Variants in OSBPL10 observed in about 807,000 individuals in gnomAD.
The protein encoded by OSBPL10 is oxysterol-binding protein-related protein 10.
In OSBPL10, 49 loss-of-function variants were observed where a neutral mutation model predicts 81.7. The ratio of observed to expected loss-of-function variants is 0.60; its 90% CI spans 0.48 to 0.76. The LOEUF (loss-of-function observed/expected upper bound fraction) is 0.76. Ranked by LOEUF, OSBPL10 falls within the 30% of genes least tolerant of loss-of-function variation. The pLI is 0.00. For synonymous variants in OSBPL10, 419 were observed against 383.6 expected, an observed-to-expected ratio of 1.09 and a Z score of -1.08; for missense variants, 923 against 987.8, an observed-to-expected ratio of 0.93 and a Z score of 0.88.
intron 10 of OSBPL10, among the ~76,000 whole-genome samples, chr3:31,668,004 C>A (rs982081413): frequency 2.0e-5 from 3 of 152,168 alleles, no homozygotes; most frequent in Admixed American, 1.3e-4. Context: ...TAACCATTTT[C>A]CAAATATTAG....
intron 3 of OSBPL10, among the ~76,000 whole-genome samples, chr3:31,860,854 GGGGTTTTTTTTTTT>G (rs142933470): frequency 0.06 from 8,529 of 141,080 alleles, 796 homozygotes; most frequent in African/African-American, 0.24. Context: ...GGGGTTTTTT[GGGGTTTTTTTTTTT>G]GGGTTTTTTT....
chr3:31,870,275 G>A lies in OSBPL10; in HGVS notation c.537+6158C>T, dbSNP rs190913681. On this transcript the variant is annotated intron_variant, in intron 3 of 11. Coordinates refer to ENST00000396556, the MANE Select transcript of OSBPL10 (RefSeq NM_017784.5). ...GCTTAGCACCTGGGCCAGTGGCTGC[G>A]GAGGGTGTACTGGGTCCCCCAGCAG... 1.9e-3 allele frequency among the ~76,000 whole-genome samples: 286 copies of A among 152,358 alleles called. 2 individuals are homozygous for A. Among genetic ancestry groups the A allele is most frequent in the African/African-American group, 6.3e-3 (260 of 41,586 alleles).
intron 1 of OSBPL10, among the ~76,000 whole-genome samples, chr3:31,931,819 A>G (rs1467608758): frequency 1.3e-5 from 2 of 152,236 alleles, no homozygotes; most frequent in African/African-American, 4.8e-5. Flanking sequence ...GCTCATGCCC[A>G]TAATCCTATC....
chr3:31,931,422 G>A (rs1697246371), intron 1 of OSBPL10, among the ~76,000 whole-genome samples: 1 of 151,982 alleles, frequency 6.6e-6, no homozygotes, highest in Non-Finnish European at 1.5e-5. Flanking sequence ...TCCCCTAGCT[G>A]GTCTCCATAC....
chr3:31,850,522 G>C (rs556957358), intron 3 of OSBPL10, among the ~76,000 whole-genome samples: 2 of 152,048 alleles, frequency 1.3e-5, no homozygotes, highest in Non-Finnish European at 2.9e-5. Context: ...AAAGAGCAAA[G>C]GGGCAGCAAA....
intron 2 of OSBPL10, among the ~76,000 whole-genome samples, chr3:32,020,373 A>G (rs1490692673): frequency 6.6e-6 from 1 of 152,174 alleles, no homozygotes; most frequent in Non-Finnish European, 1.5e-5. Context: ...CCCTCTCTGG[A>G]CATTTCATGT....
intron 4 of OSBPL10, among the ~76,000 whole-genome samples, chr3:31,813,250 C>T (rs1326587253): frequency 6.6e-6 from 1 of 152,200 alleles, no homozygotes; most frequent in Non-Finnish European, 1.5e-5. Context: ...ACCAAAGCAT[C>T]TTTGAGTTGA....
At chr3:31,975,558 C>T (rs1280729930) in intron 1 of OSBPL10, among the ~76,000 whole-genome samples, 6 of 152,190 alleles carry the variant, frequency 3.9e-5, no homozygotes, top group African/African-American at 9.7e-5. Context: ...TATTTGGTCA[C>T]TAATGGCCCC....
At chr3:32,067,816 C>T (rs1699791437) in intron 1 of OSBPL10, among the ~76,000 whole-genome samples, 1 of 152,194 alleles carries the variant, frequency 6.6e-6, no homozygotes, top group East Asian at 1.9e-4. Flanking sequence ...AATCCCACCA[C>T]CCTTTGCTGA....
chr3:31,686,629 A>G (rs1402769086), intron 7 of OSBPL10, among the ~76,000 whole-genome samples: 1 of 152,196 alleles, frequency 6.6e-6, no homozygotes, highest in Non-Finnish European at 1.5e-5. Context: ...ATTATTTAAA[A>G]ACACAACTAT....
At chr3:31,877,654 C>G (rs1278511625) in intron 2 of OSBPL10, among the ~76,000 whole-genome samples, 1 of 151,822 alleles carries the variant, frequency 6.6e-6, no homozygotes, top group African/African-American at 2.4e-5. Context: ...TCCATAAAAC[C>G]TGACTTCAGC....
At chr3:31,808,993 T>C (rs763413820) in intron 4 of OSBPL10, among the ~76,000 whole-genome samples, 11 of 152,106 alleles carry the variant, frequency 7.2e-5, no homozygotes, top group Non-Finnish European at 1.5e-4. Flanking sequence ...AACACATACA[T>C]CCATATGTAC....
intron 8 of OSBPL10, among the ~76,000 whole-genome samples, chr3:31,680,086 A>T (rs752027528): frequency 1.6e-4 from 24 of 152,258 alleles, no homozygotes; most frequent in Middle Eastern, 6.8e-3. Context: ...CTGTCGCTTC[A>T]TCCAAGGAGA....
intron 2 of OSBPL10, among the ~76,000 whole-genome samples, chr3:32,043,517 C>T (rs536159523): frequency 1.1e-4 from 17 of 152,262 alleles, no homozygotes; most frequent in South Asian, 4.2e-4. Flanking sequence ...GTAAGACAGG[C>T]GTAAGAAATT....
chr3:31,847,842 A>G (rs576980706), intron 3 of OSBPL10, among the ~76,000 whole-genome samples: 3 of 152,122 alleles, frequency 2.0e-5, no homozygotes, highest in South Asian at 2.1e-4. Flanking sequence ...CTGGAGGATC[A>G]TGGGAAGAGG....
chr3:31,849,537 C>T (rs73061424), intron 3 of OSBPL10, among the ~76,000 whole-genome samples: 19,758 of 152,056 alleles, frequency 0.13, 1,923 homozygotes, highest in Admixed American at 0.3. Flanking sequence ...TCTCACTAGC[C>T]TTACCACTTC....
intron 8 of OSBPL10, among the ~76,000 whole-genome samples, chr3:31,682,162 C>T (rs1476684647): frequency 6.6e-6 from 1 of 152,210 alleles, no homozygotes. Context: ...ACCATCATCA[C>T]CTGCTTAGTT....
In OSBPL10 at chr3:31,990,553, C is replaced by A. The variant is rs375987596; in HGVS notation, n.298+55938G>T. ...GTGTAATGAGTGTGGCAAGACCTTC[C>A]GTCACAATTCAGCCCTTGTAATTCA... On this transcript the variant is annotated intron_variant and non_coding_transcript_variant, in intron 2 of 3. Transcript: ENST00000479173. The A allele has an allele frequency of 2.6e-5, 41 of 1,604,320 alleles. No individual in the cohort carries two copies. The East Asian group carries it at 7.7e-4, about 30-fold the overall frequency.
intron 4 of OSBPL10, among the ~76,000 whole-genome samples, chr3:31,811,928 A>G (rs1699691412): frequency 6.6e-6 from 1 of 152,220 alleles, no homozygotes; most frequent in South Asian, 2.1e-4. Flanking sequence ...TCAAAGTCTA[A>G]TTTGTTTAAA....
Sources: gnomAD v4.1 joint callset for allele counts (sites outside exome capture counted in the v4.1 genomes callset) on GRCh38, gnomAD v4.1.1 for gene constraint, MANE v1.5 for transcripts, NCBI Gene and HGNC (gene_info 2026-07-23, HGNC 2026-07-21) for gene names.